Variants in TRMT11 observed in about 807,000 individuals in gnomAD.
TRMT11 encodes tRNA methyltransferase 11, also known as tRNA (guanine(10)-N(2))-methyltransferase TRMT11.
In TRMT11, 53 loss-of-function variants were observed where a neutral mutation model predicts 62.8. The observed-to-expected ratio is 0.84, with a 90% CI of 0.68 to 1.06. The LOEUF (loss-of-function observed/expected upper bound fraction) is 1.06. TRMT11 is among the 50% of genes least tolerant of loss of function. The pLI is 0.00. For missense variants in TRMT11, 556 were observed against 553.4 expected (o/e 1.00, Z -0.05); for synonymous variants, 188 against 190.3 (o/e 0.99, Z 0.10).
At chr6:126,075,339 T>C (rs1365090149) in intron 17 of TRMT11, among the ~76,000 whole-genome samples, 1 of 152,132 alleles carries the variant, frequency 6.6e-6, no homozygotes, top group Non-Finnish European at 1.5e-5. Flanking sequence ...CCCAATCTCA[T>C]GTTGAATTGT....
In TRMT11 at chr6:126,165,294, T is replaced by A. The variant is rs77969056; in HGVS notation, c.*1824-9531T>A. On this transcript the variant is annotated intron_variant and NMD_transcript_variant, in intron 21 of 22. Transcript: ENST00000648977. ...CCGTGCCTCAAAAAAAAAAAAAAAA[T>A]TGCTATGTGTGAATTTGATCCTGTC... Among the ~76,000 whole-genome samples, 6 of 141,238 alleles carry A rather than the reference T, an allele frequency of 4.2e-5. No homozygotes were observed. The East Asian group carries it at 5.9e-4, about 14-fold the overall frequency. The allele number at this position is 141,238 out of a possible 152,430, so 92.7% of individuals were successfully genotyped here. A position where few individuals can be genotyped will look rare whatever the true frequency, so the allele number is the denominator to read the frequency against.
downstream of TRMT11, among the ~76,000 whole-genome samples, chr6:126,205,368 G>A (rs949558350): frequency 6.6e-6 from 1 of 152,154 alleles, no homozygotes; most frequent in African/African-American, 2.4e-5. Flanking sequence ...GCTGGGCGTG[G>A]TGGCGAGTGC....
chr6:126,158,728 C>T (rs541279318), intron 21 of TRMT11, among the ~76,000 whole-genome samples: 11 of 152,214 alleles, frequency 7.2e-5, no homozygotes, highest in African/African-American at 1.7e-4. Flanking sequence ...GGGGCAATGT[C>T]GAGCCAAATT....
the TRMT11 span, among the ~76,000 whole-genome samples, chr6:126,267,179 T>A: frequency 6.6e-6 from 1 of 152,206 alleles, no homozygotes; most frequent in African/African-American, 2.4e-5. Flanking sequence ...ACTTACCTAG[T>A]CAAGGTCACA....
chr6:126,145,855 A>T lies in TRMT11; in HGVS notation c.*1824-28970A>T, dbSNP rs1447592713. ...CTCCTTTTTTATGTTTTATATTATCATTTTGCCCTCAACCTTTTACTTTCT... is the reference window on the plus strand; with the variant it reads ...CTCCTTTTTTATGTTTTATATTATCTTTTTGCCCTCAACCTTTTACTTTCT... On this transcript the variant is annotated intron_variant and NMD_transcript_variant, in intron 21 of 22. Transcript: ENST00000648977. Among the ~76,000 whole-genome samples the T allele has an allele frequency of 3.9e-5, 6 of 152,120 alleles. No individual in the cohort carries two copies. In the East Asian group the frequency reaches 9.7e-4, roughly 25 times the overall value.
intron 7 of TRMT11, 34 bp downstream of exon 7, chr6:125,999,647 A>G: frequency 6.5e-7 from 1 of 1,548,646 alleles, no homozygotes; most frequent in African/African-American, 1.4e-5. Flanking sequence ...TAGTGTAGAG[A>G]TGTTGCTTAT....
the TRMT11 span, among the ~76,000 whole-genome samples, chr6:126,215,167 A>G: frequency 6.6e-6 from 1 of 151,918 alleles, no homozygotes; most frequent in African/African-American, 2.4e-5. Flanking sequence ...TTCTGCAGCC[A>G]CTGGACAAAA....
intron 9 of TRMT11, 129 bp from the exon 10 acceptor site, chr6:126,012,642 G>T: frequency 1.6e-6 from 1 of 617,046 alleles, no homozygotes; most frequent in Non-Finnish European, 2.9e-6. Context: ...TACATTTTCA[G>T]TTGGATTTGT....
intron 17 of TRMT11, among the ~76,000 whole-genome samples, chr6:126,076,204 T>G (rs1777019107): frequency 6.6e-6 from 1 of 152,330 alleles, no homozygotes; most frequent in South Asian, 2.1e-4. Context: ...CATTTCCTTA[T>G]GAGAACTGTC....
the TRMT11 span, among the ~76,000 whole-genome samples, chr6:126,228,789 C>T: frequency 3.3e-4 from 50 of 152,284 alleles, no homozygotes; most frequent in African/African-American, 1.2e-3. Context: ...ACTCTCAGAG[C>T]TCCACGAGCA....
chr6:126,068,863 T>C (rs1235210785), intron 17 of TRMT11, among the ~76,000 whole-genome samples: 1 of 152,222 alleles, frequency 6.6e-6, no homozygotes, highest in Non-Finnish European at 1.5e-5. Flanking sequence ...TATTTCTTCT[T>C]ACTTAGTGAG....
intron 1 of TRMT11, among the ~76,000 whole-genome samples, chr6:126,182,795 C>T (rs74917837): frequency 0.081 from 12,367 of 152,110 alleles, 1,670 homozygotes; most frequent in African/African-American, 0.28. Flanking sequence ...TGACTTTGCC[C>T]AGGAAATAAT....
At chr6:126,224,544 T>C in the TRMT11 span, among the ~76,000 whole-genome samples, 1 of 152,172 alleles carries the variant, frequency 6.6e-6, no homozygotes, top group Non-Finnish European at 1.5e-5. Flanking sequence ...TTCCTGGTCC[T>C]CTGGCAACAA....
chr6:126,086,562 G>A (rs969696073), intron 17 of TRMT11, among the ~76,000 whole-genome samples: 3 of 151,914 alleles, frequency 2.0e-5, no homozygotes, highest in African/African-American at 7.3e-5. Flanking sequence ...ACCTCATCCC[G>A]TCTCCCTGCC....
chr6:126,100,984 C>T (rs191021266), intron 17 of TRMT11, among the ~76,000 whole-genome samples: 4 of 152,164 alleles, frequency 2.6e-5, no homozygotes, highest in South Asian at 2.1e-4. Flanking sequence ...GTGGGGTTCA[C>T]GCTTCCATGA....
chr6:126,254,094 T>C, the TRMT11 span, among the ~76,000 whole-genome samples: 1 of 152,226 alleles, frequency 6.6e-6, no homozygotes, highest in Non-Finnish European at 1.5e-5. Flanking sequence ...AGGAATCTTG[T>C]CATTACCACT....
At chr6:126,046,934 A>T (rs1776077469) in intron 16 of TRMT11, among the ~76,000 whole-genome samples, 2 of 152,192 alleles carry the variant, frequency 1.3e-5, no homozygotes, top group African/African-American at 2.4e-5. Context: ...AGTGTCTTTA[A>T]GGCTACAGAA....
intron 21 of TRMT11, among the ~76,000 whole-genome samples, chr6:126,130,923 T>C (rs1248567426): frequency 6.6e-6 from 1 of 152,118 alleles, no homozygotes; most frequent in Non-Finnish European, 1.5e-5. Flanking sequence ...TATGAATACA[T>C]TTGAAAGACA....
At chr6:126,157,288 C>T (rs1348089079) in intron 21 of TRMT11, among the ~76,000 whole-genome samples, 1 of 152,150 alleles carries the variant, frequency 6.6e-6, no homozygotes, top group Non-Finnish European at 1.5e-5. Flanking sequence ...TATTGTCTTT[C>T]TTTTCTACTC....
Sources: gnomAD v4.1 joint callset for allele counts (sites outside exome capture counted in the v4.1 genomes callset) on GRCh38, gnomAD v4.1.1 for gene constraint, MANE v1.5 for transcripts, NCBI Gene and HGNC (gene_info 2026-07-23, HGNC 2026-07-21) for gene names.